PCDH9: variants seen among roughly 807,000 people sequenced by gnomAD.
PCDH9 encodes protocadherin-9.
Under a neutral mutation model 70.6 loss-of-function variants are expected in PCDH9, and 24 were observed. The ratio of observed to expected loss-of-function variants is 0.34; its 90% CI spans 0.25 to 0.48. The LOEUF (loss-of-function observed/expected upper bound fraction) is 0.48, where lower values mean the gene tolerates loss of function less well. Ranked by LOEUF, PCDH9 falls within the 20% of genes least tolerant of loss-of-function variation. The pLI is 0.99. For synonymous variants in PCDH9, 562 were observed against 558.5 expected (o/e 1.01, Z -0.09); for missense variants, 1,281 against 1,503.6 (o/e 0.85, Z 2.45).
At chr13:66,906,794 A>G (rs1295862545) in intron 2 of PCDH9, among the ~76,000 whole-genome samples, 2 of 151,890 alleles carry the variant, frequency 1.3e-5, no homozygotes, top group Non-Finnish European at 2.9e-5. Context: ...TAACTATTAT[A>G]AATACCCAAA....
At chr13:66,594,280 G>C (rs2077074640) in intron 4 of PCDH9, among the ~76,000 whole-genome samples, 1 of 151,582 alleles carries the variant, frequency 6.6e-6, no homozygotes, top group Non-Finnish European at 1.5e-5. Flanking sequence ...AAAAAGCAAA[G>C]AAAACCTCCA....
At chr13:66,730,897 T>TTTTTTTTTTTTTTTTG (rs1555262885) in intron 3 of PCDH9, among the ~76,000 whole-genome samples, 3 of 129,098 alleles carry the variant, frequency 2.3e-5, no homozygotes, top group African/African-American at 5.8e-5. Flanking sequence ...GTTTGTTTCT[T>TTTTTTTTTTTTTTTTG]TTTTTTTGTG....
chr13:66,470,272 A>T (rs112930493), intron 4 of PCDH9, among the ~76,000 whole-genome samples: 159 of 152,280 alleles, frequency 1.0e-3, no homozygotes, highest in Non-Finnish European at 1.7e-3. Context: ...TTAAAAACCC[A>T]GTGTACCTTA....
chr13:66,457,161 A>G (rs1175942577), intron 4 of PCDH9, among the ~76,000 whole-genome samples: 1 of 152,062 alleles, frequency 6.6e-6, no homozygotes, highest in Admixed American at 6.6e-5. Flanking sequence ...GTTGCCAACA[A>G]CAAAAGCAAT....
intron 2 of PCDH9, among the ~76,000 whole-genome samples, chr13:67,101,401 T>C (rs1409156267): frequency 6.6e-6 from 1 of 152,202 alleles, no homozygotes; most frequent in Non-Finnish European, 1.5e-5. Context: ...TGAGATCCAA[T>C]GTAATAGGGT....
intron 3 of PCDH9, among the ~76,000 whole-genome samples, chr13:66,753,409 G>C (rs2079490172): frequency 6.6e-6 from 1 of 152,116 alleles, no homozygotes; most frequent in East Asian, 1.9e-4. Flanking sequence ...TGAGGGAAAT[G>C]CTTGATCTAA....
At chr13:66,916,872 G>A (rs1045311438) in intron 2 of PCDH9, among the ~76,000 whole-genome samples, 10 of 151,492 alleles carry the variant, frequency 6.6e-5, no homozygotes, top group Non-Finnish European at 1.3e-4. Context: ...GAAGCTTAAC[G>A]AAGGAAGGAA....
chr13:67,071,134 G>A (rs1543616), intron 2 of PCDH9, among the ~76,000 whole-genome samples: 134,474 of 152,158 alleles, frequency 0.88, 59,472 homozygotes, highest in East Asian at 0.99. Context: ...ACCCCCAGTC[G>A]TAACAGAAAA....
chr13:67,135,850 A>G (rs1469610673), intron 2 of PCDH9, among the ~76,000 whole-genome samples: 3 of 152,048 alleles, frequency 2.0e-5, no homozygotes, highest in African/African-American at 7.2e-5. Context: ...CAGTGGGAGA[A>G]TTAGAGACCT....
rs1296493799 is a variant in PCDH9, at chr13:66,662,371, A to C, written c.3139-30960T>G. Among the ~76,000 whole-genome samples the C allele has an allele frequency of 2.0e-5, 3 of 151,978 alleles. No individual in the cohort carries two copies. In the East Asian group the frequency reaches 5.8e-4, roughly 29 times the overall value. On this transcript the variant is annotated intron_variant, in intron 3 of 4. Transcript: ENST00000377865. ...GCCTGTAATCCCAGCTACTTGGGAG[A>C]CTTAGGCAGGAGAATTGTTTGAACT...
Position 67,226,734 on chromosome 13 carries a change from G to A in PCDH9, c.1707C>T (p.Ser569=), listed in dbSNP as rs745720767. The part of the protein sequence containing the change: ...IVTVLDENDN[S]PKFTHNHFQF... Reference sequence around the variant, plus strand: ...GAAAATGATTATGAGTAAACTTGGGGCTATTGTCATTCTCATCCAGAACAG... The same window carrying A: ...GAAAATGATTATGAGTAAACTTGGGACTATTGTCATTCTCATCCAGAACAG... Residue 569 remains serine (S), a synonymous_variant, in exon 2 of 5, where the codon AGC becomes AGT. Transcript: ENST00000377865. The surrounding 1 kb of genome is among the most constrained non-coding windows in gnomAD (Gnocchi z 5.0). The A allele has an allele frequency of 6.8e-6, 11 of 1,614,006 alleles. No homozygotes were observed. Among genetic ancestry groups the A allele is most frequent in the Non-Finnish European group, 9.3e-6 (11 of 1,180,020 alleles).
chr13:66,897,700 T>C (rs2082206512), intron 3 of PCDH9, among the ~76,000 whole-genome samples: 2 of 152,168 alleles, frequency 1.3e-5, no homozygotes, highest in African/African-American at 4.8e-5. Flanking sequence ...ATAAGTTCTT[T>C]AAATTCTTGG....
intron 2 of PCDH9, among the ~76,000 whole-genome samples, chr13:67,096,891 C>T (rs2086330878): frequency 1.3e-5 from 2 of 151,878 alleles, no homozygotes; most frequent in Admixed American, 6.6e-5. Flanking sequence ...AAACTGAAAA[C>T]ATCATTTTCC....
intron 2 of PCDH9, among the ~76,000 whole-genome samples, chr13:67,140,739 T>C (rs2087362531): frequency 6.6e-6 from 1 of 152,200 alleles, no homozygotes; most frequent in Non-Finnish European, 1.5e-5. Flanking sequence ...TGCTTCTCTT[T>C]TTTTAGGATA....
chr13:67,074,356 T>C (rs2085835156), intron 2 of PCDH9, among the ~76,000 whole-genome samples: 1 of 152,076 alleles, frequency 6.6e-6, no homozygotes, highest in Non-Finnish European at 1.5e-5. Context: ...AAACGGAGTC[T>C]TCACCAGACA....
chr13:66,887,228 A>G (rs944899909), intron 3 of PCDH9, among the ~76,000 whole-genome samples: 5 of 152,076 alleles, frequency 3.3e-5, no homozygotes, highest in Non-Finnish European at 5.9e-5. Flanking sequence ...CAGTCTCCCA[A>G]TAAAGCTGAG....
chr13:67,041,448 T>C (rs1245244424), intron 2 of PCDH9, among the ~76,000 whole-genome samples: 1 of 152,176 alleles, frequency 6.6e-6, no homozygotes, highest in African/African-American at 2.4e-5. Flanking sequence ...AACAGATCTT[T>C]ACTTTCTCTC....
intron 4 of PCDH9, among the ~76,000 whole-genome samples, chr13:66,487,006 A>G (rs1566363965): frequency 6.6e-6 from 1 of 152,210 alleles, no homozygotes; most frequent in Non-Finnish European, 1.5e-5. Context: ...TTTTTTTCAC[A>G]TGACTAGTGA....
chr13:66,654,063 C>A (rs897210300), intron 3 of PCDH9, among the ~76,000 whole-genome samples: 2 of 151,788 alleles, frequency 1.3e-5, no homozygotes, highest in African/African-American at 4.8e-5. Flanking sequence ...TCGCAAGGAT[C>A]CAGGATCAAC....
Sources: allele counts gnomAD v4.1 joint callset (sites outside exome capture counted in the v4.1 genomes callset), GRCh38; gene constraint gnomAD v4.1.1; non-coding constraint Gnocchi (gnomAD v3.1); transcripts MANE v1.5; gene names NCBI Gene and HGNC (gene_info 2026-07-23, HGNC 2026-07-21).